Variants in KIAA1549 observed in about 807,000 individuals in gnomAD.
The protein encoded by KIAA1549 is UPF0606 protein KIAA1549.
A neutral mutation model predicts 156.4 loss-of-function variants in KIAA1549; 70 were observed. That is an observed-to-expected ratio of 0.45 (90% CI 0.37 to 0.55). The LOEUF is 0.55. Among genes scored for constraint, KIAA1549 ranks in the 20% least tolerant of loss-of-function variants. The pLI is 0.00. For synonymous variants in KIAA1549, 1,103 were observed against 1,066.4 expected (o/e 1.03, Z -0.67); for missense variants, 2,428 against 2,540.9 (o/e 0.96, Z 0.96).
At chr7:138,875,788 C>T (rs1337884737) in intron 12 of KIAA1549, among the ~76,000 whole-genome samples, 1 of 152,102 alleles carries the variant, frequency 6.6e-6, no homozygotes, top group Non-Finnish European at 1.5e-5. Flanking sequence ...CAAGTAAACA[C>T]AGTCAAACCA....
chr7:138,942,273 G>A (rs1046086501), intron 1 of KIAA1549, among the ~76,000 whole-genome samples: 2 of 152,056 alleles, frequency 1.3e-5, no homozygotes, highest in Non-Finnish European at 2.9e-5. Flanking sequence ...ATAATTGAAG[G>A]CAAACGAGAA....
chr7:138,981,198 G>A lies in KIAA1549; in HGVS notation c.72C>T (p.Ala24=). Reference sequence around the variant, plus strand: ...AAGGCCGTCGGCCGCTCGGCCCCGGGGCCAGCGCGACCCCGGCGCGGGGCT... The same window carrying A: ...AAGGCCGTCGGCCGCTCGGCCCCGGAGCCAGCGCGACCCCGGCGCGGGGCT... ...EGKPRAGVAL[A]PGPSGRRPSA... The change falls in exon 1 of 20, where the codon GCC becomes GCT. Residue 24 remains alanine (A), a synonymous_variant. Coordinates refer to ENST00000422774, the MANE Select transcript of KIAA1549 (RefSeq NM_001164665.2). The surrounding 1 kb of genome is among the most constrained non-coding windows in gnomAD (Gnocchi z 4.5). 1.9e-6 allele frequency: 2 copies of A among 1,063,054 alleles called. No homozygotes were observed. The highest frequency in any genetic ancestry group is 1.7e-5 in the African/African-American group (1 of 58,860). 65.9% of individuals were successfully genotyped at this position (1,063,054 alleles called of 1,614,324 possible).
chr7:138,944,067 C>A (rs1813273145), intron 1 of KIAA1549, among the ~76,000 whole-genome samples: 1 of 144,994 alleles, frequency 6.9e-6, no homozygotes, highest in Non-Finnish European at 1.5e-5. Context: ...CTGAGCGGGC[C>A]TCTCTTAGCA....
At chr7:138,845,525 A>T (rs1488695960) in intron 17 of KIAA1549, among the ~76,000 whole-genome samples, 5 of 152,182 alleles carry the variant, frequency 3.3e-5, no homozygotes, top group African/African-American at 1.2e-4. Flanking sequence ...ATACTGGTGA[A>T]CTTTTCGTAC....
At chr7:138,947,124 T>C (rs1415182893) in intron 1 of KIAA1549, among the ~76,000 whole-genome samples, 1 of 152,228 alleles carries the variant, frequency 6.6e-6, no homozygotes, top group Non-Finnish European at 1.5e-5. Flanking sequence ...ATAGAACCAC[T>C]GTTCATCCAG....
rs1809695598 is a variant in KIAA1549, at chr7:138,835,984, T to A, written c.*1922A>T. 4.7e-6 allele frequency: 1 copy of A among 211,456 alleles called. No homozygotes were observed. The highest frequency in any genetic ancestry group is 2.3e-5 in the African/African-American group (1 of 44,098). 13.1% of individuals were successfully genotyped at this position (211,456 alleles called of 1,614,324 possible). A position where few individuals can be genotyped will look rare whatever the true frequency, so the allele number is the denominator to read the frequency against. On this transcript the variant is annotated 3_prime_UTR_variant, in exon 20 of 20. Transcript: ENST00000422774. ...ACCAACTTCCCTCATATTGTAAGACTCTAAATCTGTACAACAGGCTTCATT... is the reference window on the plus strand; with the variant it reads ...ACCAACTTCCCTCATATTGTAAGACACTAAATCTGTACAACAGGCTTCATT...
intron 1 of KIAA1549, among the ~76,000 whole-genome samples, chr7:138,957,246 A>G (rs1406641215): frequency 6.6e-6 from 1 of 151,800 alleles, no homozygotes; most frequent in East Asian, 1.9e-4. Context: ...GGCTGTTGCA[A>G]ATCAAGAAAA....
intron 1 of KIAA1549, among the ~76,000 whole-genome samples, chr7:138,976,454 G>A (rs1347248982): frequency 1.3e-5 from 2 of 152,314 alleles, no homozygotes; most frequent in South Asian, 2.1e-4. Flanking sequence ...CCAAGGTTTC[G>A]GATACCGGAG....
At chr7:138,906,826 T>C in intron 6 of KIAA1549, 93 bp downstream of exon 6, 1 of 967,804 alleles carries the variant, frequency 1.0e-6, no homozygotes, top group South Asian at 2.2e-5. Flanking sequence ...AAAAATCAAG[T>C]CTTTTAAAAA....
In KIAA1549 at chr7:138,835,191, C is replaced by T. The variant is rs544134873; in HGVS notation, c.*2715G>A. 1.1e-4 allele frequency: 23 copies of T among 217,110 alleles called. 1 individual carries two copies. The East Asian group carries it at 1.1e-3, about 10-fold the overall frequency. 13.4% of individuals were successfully genotyped at this position (217,110 alleles called of 1,614,324 possible). ...TTAATGTCTGAAGACCGCTAGGGTA[C>T]GGTGCTGCTCACACAGCTAGTTTTT... On this transcript the variant is annotated 3_prime_UTR_variant, in exon 20 of 20. Transcript: ENST00000422774.
At chr7:138,857,077 G>C (rs1407949686) in intron 16 of KIAA1549, among the ~76,000 whole-genome samples, 1 of 152,130 alleles carries the variant, frequency 6.6e-6, no homozygotes, top group African/African-American at 2.4e-5. Flanking sequence ...CATCGCTCAG[G>C]CCTTCAAACT....
intron 1 of KIAA1549, among the ~76,000 whole-genome samples, chr7:138,972,751 C>T (rs1480384766): frequency 6.6e-6 from 1 of 152,158 alleles, no homozygotes; most frequent in Non-Finnish European, 1.5e-5. Flanking sequence ...AGGTGAACCT[C>T]CTCACTTTTG....
chr7:138,917,889 C>T lies in KIAA1549; in HGVS notation c.1737G>A (p.Pro579=), dbSNP rs570277151. The T allele has an allele frequency of 1.1e-5, 17 of 1,603,298 alleles. No individual in the cohort carries two copies. Among genetic ancestry groups the T allele is most frequent in the East Asian group, 4.5e-5 (2 of 44,576 alleles). ...CACTCGGGTCTCTGACGGCAAGCGA[C>T]GGTGTGTTTTTGTTTGCTATGACAG... is the stretch of plus-strand genomic sequence containing the variant. ...SFSVIANKNT[P]SLAVRDPSVF... is the part of the protein sequence containing the mutation. The change falls in exon 2 of 20, where the codon CCG becomes CCA. Residue 579 remains proline (P), a synonymous_variant. Transcript: ENST00000422774.
intron 4 of KIAA1549, among the ~76,000 whole-genome samples, chr7:138,910,553 A>T (rs1004328212): frequency 6.6e-6 from 1 of 151,852 alleles, no homozygotes. Context: ...GTATGCCACC[A>T]TATCTGGCTA....
intron 9 of KIAA1549, among the ~76,000 whole-genome samples, chr7:138,898,647 G>A (rs369917433): frequency 6.6e-6 from 1 of 152,168 alleles, no homozygotes; most frequent in African/African-American, 2.4e-5. Context: ...TTTTGCCTTA[G>A]ACAAAATTTA....
At chr7:138,935,819 A>G (rs552437836) in intron 1 of KIAA1549, among the ~76,000 whole-genome samples, 2 of 152,320 alleles carry the variant, frequency 1.3e-5, no homozygotes, top group Non-Finnish European at 2.9e-5. Flanking sequence ...TTTTATATCA[A>G]GGGATCAGGA....
rs561146216 is a variant in KIAA1549, at chr7:138,917,132, T to A, written c.2494A>T (p.Ile832Phe). ...GTGATCAACACCGTACCAGTGGGAA[T>A]GGCTTTGGAGAAAGAGGCCAGGACA... ...VSVLASFSKA[I>F]PTGTVLITDA... is the part of the protein sequence containing the mutation. Residue 832 changes from isoleucine to phenylalanine, a missense_variant, in exon 2 of 20, where the codon ATT becomes TTT. Coordinates refer to ENST00000422774, the MANE Select transcript of KIAA1549 (RefSeq NM_001164665.2). 58 of 1,613,300 alleles carry A rather than the reference T, an allele frequency of 3.6e-5. No homozygotes were observed. The highest frequency in any genetic ancestry group is 4.7e-5 in the Non-Finnish European group (56 of 1,179,596).
chr7:138,850,914 T>A (rs182790389), intron 17 of KIAA1549, among the ~76,000 whole-genome samples: 1 of 152,196 alleles, frequency 6.6e-6, no homozygotes, highest in African/African-American at 2.4e-5. Flanking sequence ...CTTCTTGAAA[T>A]TTTTTAAGAT....
rs78445081 is a variant in KIAA1549 at position 138,959,529 on chromosome 7, G to A, written c.187+21554C>T. Among the ~76,000 whole-genome samples the A allele has an allele frequency of 4.7e-3, 716 of 152,246 alleles. 9 individuals carry two copies. Among genetic ancestry groups the A allele is most frequent in the African/African-American group, 0.017 (701 of 41,536 alleles). Reference sequence around the variant, plus strand: ...GCAATTAACCTAACGCGCATTTTACGAATGGAGAAAAATGTCATCTTTGTT... The same window carrying A: ...GCAATTAACCTAACGCGCATTTTACAAATGGAGAAAAATGTCATCTTTGTT... On this transcript the variant is annotated intron_variant, in intron 1 of 19. Transcript: ENST00000422774.
Sources: gnomAD v4.1 joint callset for allele counts (sites outside exome capture counted in the v4.1 genomes callset) on GRCh38, gnomAD v4.1.1 for gene constraint, Gnocchi (gnomAD v3.1) non-coding constraint, MANE v1.5 for transcripts, NCBI Gene and HGNC (gene_info 2026-07-23, HGNC 2026-07-21) for gene names.